WWOX: variants seen among roughly 807,000 people sequenced by gnomAD.
WWOX encodes WW domain-containing oxidoreductase.
In WWOX, 69 loss-of-function variants were observed where a neutral mutation model predicts 46.2. That is an observed-to-expected ratio of 1.49 (90% CI 1.23 to 1.82). The LOEUF is 1.82. Ranked by LOEUF, WWOX falls within the 40% of genes most tolerant of loss-of-function variation. The pLI is 0.00. For synonymous variants in WWOX, 359 were observed against 202.6 expected, an observed-to-expected ratio of 1.77 and a Z score of -6.56; for missense variants, 919 against 542.6, an observed-to-expected ratio of 1.69 and a Z score of -6.89.
intron 8 of WWOX, among the ~76,000 whole-genome samples, chr16:78,671,116 A>G (rs1298632306): frequency 6.6e-6 from 1 of 152,182 alleles, no homozygotes; most frequent in Non-Finnish European, 1.5e-5. Context: ...GGCTTCCTGA[A>G]CTGTGAAAGA....
chr16:78,385,454 C>G (rs1597141525), intron 5 of WWOX, among the ~76,000 whole-genome samples: 1 of 152,128 alleles, frequency 6.6e-6, no homozygotes, highest in South Asian at 2.1e-4. Context: ...GAGTAGATGA[C>G]TAATATTCAT....
intron 8 of WWOX, among the ~76,000 whole-genome samples, chr16:78,913,158 C>T (rs1225543566): frequency 6.6e-6 from 1 of 151,956 alleles, no homozygotes; most frequent in Non-Finnish European, 1.5e-5. Context: ...ATGGCAGTTG[C>T]TGTCGCTGAG....
At position 78,982,595 on chromosome 16, in the gene WWOX, A is replaced by G. The variant is rs373186635; in HGVS notation, c.1057-229013A>G. ...ATGGTTAGCTAGGCGCTGCTATTGT[A>G]TGCTCTATGGCTTCTTGACAGGAGC... On this transcript the variant is annotated intron_variant, in intron 8 of 8. Transcript: ENST00000566780. 2.0e-4 allele frequency among the ~76,000 whole-genome samples: 30 copies of G among 152,282 alleles called. 1 individual carries two copies. In the East Asian group the frequency reaches 5.0e-3, roughly 25 times the overall value.
chr16:78,646,958 C>G (rs1231544599), intron 8 of WWOX, among the ~76,000 whole-genome samples: 1 of 152,134 alleles, frequency 6.6e-6, no homozygotes, highest in South Asian at 2.1e-4. Flanking sequence ...GTGGAAGTGA[C>G]AACTCTAGGC....
chr16:78,784,454 A>G (rs1028352913), intron 8 of WWOX, among the ~76,000 whole-genome samples: 1 of 151,936 alleles, frequency 6.6e-6, no homozygotes, highest in African/African-American at 2.4e-5. Flanking sequence ...GTTCTTACCC[A>G]TTAGGGATTA....
chr16:78,720,898 A>G lies in WWOX; in HGVS notation c.1056+288146A>G, dbSNP rs1234620849. 4.6e-5 allele frequency among the ~76,000 whole-genome samples: 7 copies of G among 152,272 alleles called. No homozygotes were observed. In the East Asian group the frequency reaches 1.4e-3, roughly 29 times the overall value. ...AAATTAATTTGGTCCTAACTAAAAG[A>G]TAAGTTCCTCCCCCATCCTCAGGAT... is the stretch of plus-strand genomic sequence containing the variant. On this transcript the variant is annotated intron_variant, in intron 8 of 8. Coordinates refer to ENST00000566780, the MANE Select transcript of WWOX (RefSeq NM_016373.4).
At chr16:78,704,386 T>A (rs1465459295) in intron 8 of WWOX, among the ~76,000 whole-genome samples, 1 of 152,176 alleles carries the variant, frequency 6.6e-6, no homozygotes, top group East Asian at 1.9e-4. Context: ...ATGCTTGGTT[T>A]TATCTTTTAT....
At chr16:79,093,781 C>G (rs1377681154) in intron 8 of WWOX, among the ~76,000 whole-genome samples, 1 of 152,218 alleles carries the variant, frequency 6.6e-6, no homozygotes, top group African/African-American at 2.4e-5. Flanking sequence ...ATACTTTTCT[C>G]TCTTGCTTCC....
chr16:79,081,250 G>C lies in WWOX; in HGVS notation c.1057-130358G>C, dbSNP rs528552925. Among the ~76,000 whole-genome samples the C allele has an allele frequency of 1.3e-4, 20 of 152,252 alleles. No homozygotes were observed. In the South Asian group the frequency reaches 4.2e-3, roughly 32 times the overall value. ...AGCATCTTGGCTCACTGCAACTTCT[G>C]CCTCCCGTGTTCAAGTGATTCTCCT... On this transcript the variant is annotated intron_variant, in intron 8 of 8. Coordinates refer to ENST00000566780, the MANE Select transcript of WWOX (RefSeq NM_016373.4).
chr16:79,171,323 C>T (rs1375414263), intron 8 of WWOX, among the ~76,000 whole-genome samples: 1 of 152,202 alleles, frequency 6.6e-6, no homozygotes, highest in Non-Finnish European at 1.5e-5. Flanking sequence ...TGATTACATA[C>T]TCTCTTAATA....
At chr16:78,931,161 C>G (rs1235707804) in intron 8 of WWOX, among the ~76,000 whole-genome samples, 1 of 152,116 alleles carries the variant, frequency 6.6e-6, no homozygotes, top group African/African-American at 2.4e-5. Context: ...CTTACGAAAA[C>G]AGAGCTATAC....
intron 8 of WWOX, among the ~76,000 whole-genome samples, chr16:79,062,625 A>G (rs1467916614): frequency 6.6e-6 from 1 of 151,920 alleles, no homozygotes; most frequent in Non-Finnish European, 1.5e-5. Context: ...GAATGTTTAC[A>G]TTTAAAAAAA....
At chr16:79,011,935 T>A (rs998260541) in intron 8 of WWOX, among the ~76,000 whole-genome samples, 2 of 152,224 alleles carry the variant, frequency 1.3e-5, no homozygotes, top group African/African-American at 2.4e-5. Context: ...ATTTCAGGCA[T>A]GAGCCACTGT....
chr16:79,104,062 G>GGGT (rs2049259541), intron 8 of WWOX, among the ~76,000 whole-genome samples: 1 of 136,818 alleles, frequency 7.3e-6, no homozygotes. Flanking sequence ...GGGTGGTGGG[G>GGGT]GTACTTACTA....
chr16:78,561,250 T>C (rs2044428032), intron 8 of WWOX, among the ~76,000 whole-genome samples: 1 of 152,208 alleles, frequency 6.6e-6, no homozygotes, highest in South Asian at 2.1e-4. Context: ...AGTCCCCTCC[T>C]GCTTTGAATC....
At chr16:78,420,651 A>ATGGTT (rs75985674) in intron 6 of WWOX, among the ~76,000 whole-genome samples, 8,708 of 139,014 alleles carry the variant, frequency 0.063, 438 homozygotes, top group East Asian at 0.24. Context: ...GTGATTGCTA[A>ATGGTT]TTTTTTTTTT....
intron 8 of WWOX, among the ~76,000 whole-genome samples, chr16:78,930,431 C>G (rs538365593): frequency 6.7e-6 from 1 of 150,174 alleles, no homozygotes; most frequent in South Asian, 2.2e-4. Flanking sequence ...GTGTGCACCA[C>G]CACACCCAGC....
chr16:78,459,761 A>G (rs2083907253), intron 8 of WWOX, among the ~76,000 whole-genome samples: 1 of 152,176 alleles, frequency 6.6e-6, no homozygotes, highest in Admixed American at 6.5e-5. Context: ...CTGAAGGCCT[A>G]CTTGATGCTG....
intron 8 of WWOX, among the ~76,000 whole-genome samples, chr16:78,540,424 T>C (rs1373882127): frequency 1.3e-5 from 2 of 152,208 alleles, no homozygotes; most frequent in Non-Finnish European, 2.9e-5. Flanking sequence ...CATTTGCTGA[T>C]TGCAAATATA....
Sources: allele counts gnomAD v4.1 joint callset (sites outside exome capture counted in the v4.1 genomes callset), GRCh38; gene constraint gnomAD v4.1.1; transcripts MANE v1.5; gene names NCBI Gene and HGNC (gene_info 2026-07-23, HGNC 2026-07-21).